Variants in CHST9 observed in about 807,000 individuals in gnomAD.
CHST9 encodes the protein carbohydrate sulfotransferase 9, also known as GalNAc-4-sulfotransferase 2.
Under a neutral mutation model 44.4 loss-of-function variants are expected in CHST9, and 41 were observed. That is an observed-to-expected ratio of 0.92 (90% confidence interval 0.72 to 1.20). The LOEUF is 1.20. Among genes scored for constraint, CHST9 ranks in the 50% most tolerant of loss-of-function variants. The pLI, the probability that CHST9 is intolerant of heterozygous loss-of-function variation, is 0.00. For synonymous variants in CHST9, 171 were observed against 178.4 expected (o/e 0.96, Z 0.33); for missense variants, 504 against 516.5 (o/e 0.98, Z 0.23).
chr18:27,122,673 T>C (rs952987226), intron 2 of CHST9, among the ~76,000 whole-genome samples: 2 of 151,862 alleles, frequency 1.3e-5, no homozygotes, highest in African/African-American at 2.4e-5. Flanking sequence ...GCTGAAAGAG[T>C]GAAGGAGAAA....
chr18:27,088,967 G>A (rs2058039953), intron 2 of CHST9, among the ~76,000 whole-genome samples: 1 of 152,116 alleles, frequency 6.6e-6, no homozygotes, highest in Admixed American at 6.5e-5. Context: ...CTACCCTTCA[G>A]TCACTGATCA....
chr18:27,076,736 T>C (rs1417702094), intron 2 of CHST9, among the ~76,000 whole-genome samples: 2 of 152,188 alleles, frequency 1.3e-5, no homozygotes, highest in African/African-American at 4.8e-5. Context: ...TGTGTAAGCT[T>C]TGAATCCTAT....
intron 2 of CHST9, among the ~76,000 whole-genome samples, chr18:27,134,465 T>TAAACA (rs746779059): frequency 4.1e-4 from 63 of 152,258 alleles, no homozygotes; most frequent in Non-Finnish European, 6.6e-4. Context: ...TTTATGTGCT[T>TAAACA]AAACAAAACA....
intron 2 of CHST9, among the ~76,000 whole-genome samples, chr18:27,121,213 C>T (rs1373306158): frequency 6.6e-6 from 1 of 152,000 alleles, no homozygotes; most frequent in Non-Finnish European, 1.5e-5. Context: ...CTATGTTGCC[C>T]AGGTTGCTCT....
intron 4 of CHST9, among the ~76,000 whole-genome samples, chr18:26,991,049 C>A (rs2056810194): frequency 1.3e-5 from 2 of 152,222 alleles, no homozygotes; most frequent in South Asian, 4.2e-4. Flanking sequence ...AAATGGGGGA[C>A]CTATGCAGTC....
At chr18:26,936,906 AT>A (rs2056003099) in intron 5 of CHST9, among the ~76,000 whole-genome samples, 1 of 152,122 alleles carries the variant, frequency 6.6e-6, no homozygotes, top group Admixed American at 6.5e-5. Flanking sequence ...TAAATGGTAC[AT>A]TTTCAGTACG....
chr18:27,097,125 C>T (rs1481064060), intron 2 of CHST9, among the ~76,000 whole-genome samples: 1 of 152,016 alleles, frequency 6.6e-6, no homozygotes, highest in Non-Finnish European at 1.5e-5. Context: ...GTTCAATATA[C>T]ATCAAATAAA....
intron 2 of CHST9, among the ~76,000 whole-genome samples, chr18:27,100,802 A>G (rs1042455688): frequency 3.9e-5 from 6 of 152,230 alleles, no homozygotes; most frequent in African/African-American, 1.2e-4. Flanking sequence ...GTTTGTCACA[A>G]TTTTAGATTT....
intron 2 of CHST9, among the ~76,000 whole-genome samples, chr18:27,113,218 A>G (rs2058289555): frequency 6.6e-6 from 1 of 151,654 alleles, no homozygotes; most frequent in Admixed American, 6.6e-5. Context: ...TCAATTGATG[A>G]CACCAATCAG....
intron 4 of CHST9, chr18:26,952,563 A>G (rs2056264521): frequency 2.4e-6 from 1 of 419,366 alleles, no homozygotes; most frequent in African/African-American, 2.1e-5. Context: ...GTGAAAGTTT[A>G]TTTTGAACCA....
At chr18:26,998,068 G>A (rs1361774988) in intron 4 of CHST9, among the ~76,000 whole-genome samples, 2 of 152,208 alleles carry the variant, frequency 1.3e-5, no homozygotes, top group Non-Finnish European at 2.9e-5. Flanking sequence ...AGCTGTTGCT[G>A]AAGGGCCCAA....
intron 2 of CHST9, among the ~76,000 whole-genome samples, chr18:27,055,937 C>CGTGTGTGTGTGTGT (rs35128328): frequency 7.5e-5 from 11 of 147,444 alleles, no homozygotes; most frequent in African/African-American, 2.5e-4. Flanking sequence ...TTCTCTCTTT[C>CGTGTGTGTGTGTGT]GTGTGTGTGT....
intron 4 of CHST9, chr18:26,952,587 G>C: frequency 2.9e-6 from 1 of 346,060 alleles, no homozygotes; most frequent in East Asian, 7.3e-5. Flanking sequence ...GCTCTAACGT[G>C]TGAAATAATT....
In CHST9 at chr18:26,913,314, G is replaced by A. The variant is rs2055467433; in HGVS notation, c.*2945C>T. 6.6e-6 allele frequency: 1 copy of A among 152,054 alleles called. No homozygotes were observed. The highest frequency in any genetic ancestry group is 2.4e-5 in the African/African-American group (1 of 41,380). The allele number at this position is 152,054 out of a possible 1,614,324, so 9.4% of individuals were successfully genotyped here. ...ATTTTCTGTTACAGAATGTTTTATA[G>A]ACATCTAGCAAGTGGCATCACATTT... On this transcript the variant is annotated 3_prime_UTR_variant, in exon 6 of 6. Transcript: ENST00000618847.
chr18:27,033,007 C>T (rs2057356830), intron 3 of CHST9, among the ~76,000 whole-genome samples: 1 of 152,196 alleles, frequency 6.6e-6, no homozygotes, highest in Non-Finnish European at 1.5e-5. Flanking sequence ...CAGGGTACAA[C>T]AGGAATGCCT....
intron 4 of CHST9, among the ~76,000 whole-genome samples, chr18:26,956,326 A>AATATAT (rs71169902): frequency 1.3e-4 from 16 of 125,690 alleles, no homozygotes; most frequent in South Asian, 2.4e-4. Context: ...AAAAAAAAAA[A>AATATAT]ATATATATAT....
At chr18:27,053,319 A>AAGGAGAAGG (rs2057610617) in intron 2 of CHST9, among the ~76,000 whole-genome samples, 2 of 110,506 alleles carry the variant, frequency 1.8e-5, no homozygotes, top group African/African-American at 6.8e-5. Flanking sequence ...GGAGAAGGAG[A>AAGGAGAAGG]AGGAGAAGAT....
chr18:27,145,708 T>C (rs1360872120), intron 1 of CHST9, among the ~76,000 whole-genome samples: 1 of 152,218 alleles, frequency 6.6e-6, no homozygotes, highest in Non-Finnish European at 1.5e-5. Context: ...GAGAGTATTA[T>C]CATACTGCTT....
chr18:27,032,038 A>G (rs138064441), intron 3 of CHST9, among the ~76,000 whole-genome samples: 5 of 152,184 alleles, frequency 3.3e-5, no homozygotes, highest in African/African-American at 1.2e-4. Context: ...TCTAGGTCAC[A>G]GATTTGCCAA....
Sources: allele counts gnomAD v4.1 joint callset (sites outside exome capture counted in the v4.1 genomes callset), GRCh38; gene constraint gnomAD v4.1.1; transcripts MANE v1.5; gene names NCBI Gene and HGNC (gene_info 2026-07-23, HGNC 2026-07-21).